Variants in MARCHF5 observed in about 807,000 individuals in gnomAD.
MARCHF5 encodes membrane associated ring-CH-type finger 5, also known as E3 ubiquitin-protein ligase MARCHF5.
In MARCHF5, 5 loss-of-function variants were observed where a neutral mutation model predicts 36.5. The observed-to-expected ratio is 0.14, with a 90% CI of 0.07 to 0.29. The LOEUF (loss-of-function observed/expected upper bound fraction) is 0.29. MARCHF5 is among the 10% of genes least tolerant of loss of function. The pLI, the probability that MARCHF5 is intolerant of heterozygous loss-of-function variation, is 1.00. For missense variants in MARCHF5, 179 were observed against 336.3 expected (o/e 0.53, Z 3.66); for synonymous variants, 103 against 109.9 (o/e 0.94, Z 0.39).
Position 92,333,182 on chromosome 10 carries a change from GA to G in MARCHF5, c.239-7481del, listed in dbSNP as rs201275153. On this transcript the variant is annotated intron_variant, in intron 2 of 5. Transcript: ENST00000358935. ...TCTTGCCAAAAGAAAAAAAAAAAAAGAAAAAAAAAATTCACGTTTGTTGGCT... is the reference window on the plus strand; with the variant it reads ...TCTTGCCAAAAGAAAAAAAAAAAAAGAAAAAAAAATTCACGTTTGTTGGCT... 1.4e-3 allele frequency among the ~76,000 whole-genome samples: 175 copies of G among 127,376 alleles called. 1 individual carries two copies. The highest frequency in any genetic ancestry group is 4.0e-3 in the African/African-American group (139 of 34,818). 83.6% of individuals were successfully genotyped at this position (127,376 alleles called of 152,430 possible).
At chr10:92,336,522 A>G (rs1843503817) in intron 2 of MARCHF5, among the ~76,000 whole-genome samples, 1 of 152,176 alleles carries the variant, frequency 6.6e-6, no homozygotes, top group Non-Finnish European at 1.5e-5. Context: ...AACATAATTA[A>G]TATGTAAATT....
chr10:92,313,103 G>A (rs1204148507), intron 2 of MARCHF5, among the ~76,000 whole-genome samples: 16 of 152,038 alleles, frequency 1.1e-4, no homozygotes, highest in Admixed American at 8.5e-4. Flanking sequence ...ACATGGTGGC[G>A]TGTGCCTGTA....
intron 2 of MARCHF5, among the ~76,000 whole-genome samples, chr10:92,334,176 C>T (rs551765680): frequency 2.6e-5 from 4 of 152,116 alleles, no homozygotes; most frequent in Non-Finnish European, 5.9e-5. Context: ...GGCTATAGAG[C>T]GAGACTCTGT....
intron 5 of MARCHF5, chr10:92,350,245 A>T (rs74151606): frequency 2.8e-5 from 5 of 179,530 alleles, no homozygotes; most frequent in Admixed American, 2.3e-4. Context: ...TGAGGATTGT[A>T]TAAGTACTAG....
intron 2 of MARCHF5, among the ~76,000 whole-genome samples, chr10:92,322,019 C>T (rs887500017): frequency 3.3e-5 from 5 of 151,362 alleles, no homozygotes; most frequent in African/African-American, 1.2e-4. Flanking sequence ...CCGAGGCGGG[C>T]GGATCACCTG....
intron 2 of MARCHF5, among the ~76,000 whole-genome samples, chr10:92,320,173 C>G (rs1843273864): frequency 1.3e-5 from 2 of 151,756 alleles, no homozygotes; most frequent in South Asian, 4.2e-4. Flanking sequence ...CCTGCTTCAG[C>G]CTCCCAAATA....
rs1449225373 is a variant in MARCHF5, at chr10:92,291,438, G to T, written c.-57G>T. The T allele has an allele frequency of 1.2e-4, 174 of 1,445,862 alleles. 3 individuals carry two copies. The highest frequency in any genetic ancestry group is 2.9e-6 in the Non-Finnish European group (3 of 1,052,604). The allele number at this position is 1,445,862 out of a possible 1,614,324, so 89.6% of individuals were successfully genotyped here. A position where few individuals can be genotyped will look rare whatever the true frequency, so the allele number is the denominator to read the frequency against. ...GCCGCCTCTCAGTGCTATTGTCCCT[G>T]GGCCTGGCCTTGAGCGGGTCCACTG... On this transcript the variant is annotated 5_prime_UTR_variant, in exon 1 of 6. Transcript: ENST00000358935.
At chr10:92,292,878 T>C (rs1170541958) in intron 1 of MARCHF5, among the ~76,000 whole-genome samples, 1 of 152,156 alleles carries the variant, frequency 6.6e-6, no homozygotes, top group African/African-American at 2.4e-5. Flanking sequence ...CACAAACTTA[T>C]TTGTCAGTTT....
Position 92,349,769 on chromosome 10 carries a change from ACTATTG to A in MARCHF5, c.656_661del (p.Ile219_Ala220del). On this transcript the variant is annotated inframe_deletion, in exon 5 of 6. Transcript: ENST00000358935. ...CTTGTGTGGAGCCCTTGTCTTTCCT[ACTATTG>A]CTACAATAGTTGGTAAATTGATGTT... 1 of 1,613,820 alleles carries A rather than the reference ACTATTG, an allele frequency of 6.2e-7. No homozygotes were observed. Among genetic ancestry groups the A allele is most frequent in the Non-Finnish European group, 8.5e-7 (1 of 1,179,778 alleles).
rs1362569238 is a variant in MARCHF5, at chr10:92,353,511, G to A, written c.*2304G>A. ...AACAGCAGCACTTAGGCTCAAAATC[G>A]CCCCTACAAAGCAGTAGTTGTTTCT... is the stretch of plus-strand genomic sequence containing the variant. On this transcript the variant is annotated 3_prime_UTR_variant, in exon 6 of 6. Transcript: ENST00000358935. 1 of 152,122 alleles carries A rather than the reference G, an allele frequency of 6.6e-6. No homozygotes were observed. Among genetic ancestry groups the A allele is most frequent in the Admixed American group, 6.6e-5 (1 of 15,250 alleles). The allele number at this position is 152,122 out of a possible 1,614,324, so 9.4% of individuals were successfully genotyped here.
chr10:92,302,696 G>A (rs1416906359), intron 1 of MARCHF5, among the ~76,000 whole-genome samples: 7 of 152,028 alleles, frequency 4.6e-5, no homozygotes, highest in African/African-American at 9.7e-5. Flanking sequence ...CACCCACCTC[G>A]GCCTCCCAAA....
chr10:92,318,909 G>A (rs1411300885), intron 2 of MARCHF5, among the ~76,000 whole-genome samples: 2 of 152,136 alleles, frequency 1.3e-5, no homozygotes, highest in South Asian at 2.1e-4. Flanking sequence ...GTTTCACCAT[G>A]TTGGCCAGGC....
chr10:92,320,929 C>A (rs1194918054), intron 2 of MARCHF5, among the ~76,000 whole-genome samples: 1 of 152,034 alleles, frequency 6.6e-6, no homozygotes, highest in Admixed American at 6.6e-5. Context: ...AGACTTCCAG[C>A]CTTGGAAGCT....
chr10:92,311,456 C>A, intron 2 of MARCHF5, 119 bp downstream of exon 2: 1 of 658,414 alleles, frequency 1.5e-6, no homozygotes, highest in Non-Finnish European at 2.5e-6. Context: ...TATTCCCTTT[C>A]TCTTGTTTCC....
rs1334567687 is a variant in MARCHF5, at chr10:92,320,050, C to CA, written c.238+8721dup. Among the ~76,000 whole-genome samples, 5 of 149,220 alleles carry CA rather than the reference C, an allele frequency of 3.4e-5. No individual in the cohort carries two copies. The South Asian group carries it at 8.4e-4, about 25-fold the overall frequency. ...GCAGTGGTGCAATCTCAGCTTACTGCAAAAAAAATTTTTTTAATATAGAGA... is the reference window on the plus strand; with the variant it reads ...GCAGTGGTGCAATCTCAGCTTACTGCAAAAAAAAATTTTTTTAATATAGAGA... On this transcript the variant is annotated intron_variant, in intron 2 of 5. Transcript: ENST00000358935.
intron 5 of MARCHF5, 93 bp downstream of exon 5, chr10:92,349,930 C>T (rs1288216752): frequency 1.0e-6 from 1 of 1,004,606 alleles, no homozygotes; most frequent in South Asian, 1.6e-5. Context: ...AATATTCGGT[C>T]TGTGGCTCCT....
chr10:92,349,859 T>C lies in MARCHF5; in HGVS notation c.720+22T>C, dbSNP rs748441810. 3.1e-5 allele frequency: 49 copies of C among 1,577,852 alleles called. No homozygotes were observed. In the East Asian group the frequency reaches 1.1e-3, roughly 34 times the overall value. On this transcript the variant is annotated intron_variant, in intron 5 of 5. Coordinates refer to ENST00000358935, the MANE Select transcript of MARCHF5 (RefSeq NM_017824.5). ...CTTGGTAAGACGGCTTTAACATTAC[T>C]TATATTACCTTGCAAAAGAGAATGA...
intron 2 of MARCHF5, among the ~76,000 whole-genome samples, chr10:92,328,698 G>T (rs1468507553): frequency 6.6e-6 from 1 of 150,604 alleles, no homozygotes; most frequent in Non-Finnish European, 1.5e-5. Context: ...TCATTTCCTG[G>T]GCTTTGTTAT....
At chr10:92,303,361 T>C (rs1371764650) in intron 1 of MARCHF5, among the ~76,000 whole-genome samples, 5 of 152,232 alleles carry the variant, frequency 3.3e-5, no homozygotes, top group Non-Finnish European at 7.3e-5. Context: ...GCTTACTCTG[T>C]TTTTCTTCAA....
Sources: allele counts gnomAD v4.1 joint callset (sites outside exome capture counted in the v4.1 genomes callset), GRCh38; gene constraint gnomAD v4.1.1; transcripts MANE v1.5; gene names NCBI Gene and HGNC (gene_info 2026-07-23, HGNC 2026-07-21).